Variants in LPAR6 observed in about 807,000 individuals in gnomAD.
LPAR6 encodes the protein G-protein coupled purinergic receptor P2Y5.
A neutral mutation model predicts 22.0 loss-of-function variants in LPAR6; 17 were observed. That is an observed-to-expected ratio of 0.77 (90% CI 0.53 to 1.16). The LOEUF is 1.16. Ranked by LOEUF, LPAR6 falls within the 50% of genes most tolerant of loss-of-function variation. The pLI, the probability that LPAR6 is intolerant of heterozygous loss-of-function variation, is 0.00. For synonymous variants in LPAR6, 136 were observed against 139.8 expected (o/e 0.97, Z 0.19); for missense variants, 384 against 406.9 (o/e 0.94, Z 0.48).
At chr13:48,423,418 T>G (rs1949035558) in intron 1 of LPAR6, among the ~76,000 whole-genome samples, 1 of 152,264 alleles carries the variant, frequency 6.6e-6, no homozygotes, top group Non-Finnish European at 1.5e-5. Context: ...CTTACACTCT[T>G]TATGTTTAAG....
chr13:48,414,748 G>C (rs1222776833), upstream of LPAR6, among the ~76,000 whole-genome samples: 3 of 152,028 alleles, frequency 2.0e-5, no homozygotes, highest in Admixed American at 1.3e-4. Context: ...TATTTCTACT[G>C]TCTGGACTAG....
chr13:48,412,285 T>C lies in LPAR6; in HGVS notation c.139A>G (p.Lys47Glu), dbSNP rs770081265. The change falls in exon 1 of 1, where the codon AAA becomes GAA. Residue 47 changes from lysine (K) to glutamate (E), a missense_variant. Coordinates refer to ENST00000620633, the MANE Select transcript of LPAR6 (RefSeq NM_001162498.3). ...TAAGTTGTAGTTTCATTTCGGACTTTGAGGACGCAGATGAAAATGTATATG... is the reference window on the plus strand; with the variant it reads ...TAAGTTGTAGTTTCATTTCGGACTTCGAGGACGCAGATGAAAATGTATATG... ...VAIYIFICVLKVRNETTTYMI... is the reference protein window; with the variant it reads ...VAIYIFICVLEVRNETTTYMI... 6.8e-6 allele frequency: 11 copies of C among 1,613,882 alleles called. No individual in the cohort carries two copies. The highest frequency in any genetic ancestry group is 3.3e-5 in the Admixed American group (2 of 59,992).
intron 2 of LPAR6, among the ~76,000 whole-genome samples, chr13:48,418,733 G>T (rs1161616731): frequency 6.6e-6 from 1 of 150,950 alleles, no homozygotes; most frequent in Non-Finnish European, 1.5e-5. Context: ...AGCAGGGGTT[G>T]CAATCCTAGT....
chr13:48,433,504 T>A (rs1256788171), intron 1 of LPAR6, among the ~76,000 whole-genome samples: 1 of 152,104 alleles, frequency 6.6e-6, no homozygotes, highest in South Asian at 2.1e-4. Flanking sequence ...CTGTAAAAAA[T>A]TTTTGTTCAG....
intron 1 of LPAR6, among the ~76,000 whole-genome samples, chr13:48,397,104 A>G (rs962983684): frequency 3.3e-5 from 5 of 152,226 alleles, no homozygotes; most frequent in African/African-American, 1.2e-4. Flanking sequence ...TCAAGGATCT[A>G]GAGCCAGAAA....
upstream of LPAR6, among the ~76,000 whole-genome samples, chr13:48,415,502 C>T (rs1948894015): frequency 6.6e-6 from 1 of 152,106 alleles, no homozygotes; most frequent in Admixed American, 6.5e-5. Flanking sequence ...TGGTCTTGAA[C>T]TCCTGACCTC....
At chr13:48,403,155 CTA>C in intron 1 of LPAR6, among the ~76,000 whole-genome samples, 1 of 152,228 alleles carries the variant, frequency 6.6e-6, no homozygotes, top group Non-Finnish European at 1.5e-5. Flanking sequence ...TGTAAAAACA[CTA>C]TTTTTTAGCA....
chr13:48,420,678 C>T (rs1430526756), intron 2 of LPAR6, among the ~76,000 whole-genome samples: 2 of 152,176 alleles, frequency 1.3e-5, no homozygotes, highest in Admixed American at 6.5e-5. Context: ...TGATAAGCAA[C>T]TTCAGCAAAG....
At chr13:48,411,042 T>C (rs1168827772), downstream of LPAR6, 1 of 155,202 alleles carries the variant, frequency 6.4e-6, no homozygotes, top group Non-Finnish European at 1.4e-5. Flanking sequence ...TAGTATAAAA[T>C]AATTTAGTAA....
At chr13:48,433,114 A>T (rs1244231452) in intron 1 of LPAR6, among the ~76,000 whole-genome samples, 3 of 152,188 alleles carry the variant, frequency 2.0e-5, no homozygotes, top group Non-Finnish European at 4.4e-5. Flanking sequence ...AATATGAGAA[A>T]TAAATTAATT....
chr13:48,405,205 GT>G (rs1398393100), intron 1 of LPAR6, among the ~76,000 whole-genome samples: 1 of 152,104 alleles, frequency 6.6e-6, no homozygotes, highest in African/African-American at 2.4e-5. Flanking sequence ...AAATCAGATA[GT>G]TTCATAAAGA....
chr13:48,412,623 C>T lies in LPAR6; in HGVS notation c.-200G>A. 1.7e-6 allele frequency: 1 copy of T among 604,642 alleles called. No homozygotes were observed. The highest frequency in any genetic ancestry group is 3.0e-6 in the Non-Finnish European group (1 of 332,184). 37.5% of individuals were successfully genotyped at this position (604,642 alleles called of 1,614,324 possible). Reference sequence around the variant, plus strand: ...GTTGCTGTAAAATTTCCGCTGGGTTCTTCAACAGGAAAATATTTTCATTTG... The same window carrying T: ...GTTGCTGTAAAATTTCCGCTGGGTTTTTCAACAGGAAAATATTTTCATTTG... On this transcript the variant is annotated 5_prime_UTR_variant, in exon 1 of 1. Transcript: ENST00000620633.
chr13:48,431,434 T>A (rs1282880034), upstream of LPAR6, among the ~76,000 whole-genome samples: 1 of 152,218 alleles, frequency 6.6e-6, no homozygotes, highest in Admixed American at 6.5e-5. Flanking sequence ...AATGTTTCGC[T>A]CTTAACCCAC....
intron 1 of LPAR6, among the ~76,000 whole-genome samples, chr13:48,402,476 CA>C (rs1192151019): frequency 2.0e-5 from 3 of 148,562 alleles, no homozygotes; most frequent in South Asian, 2.1e-4. Context: ...CTCTTGGGCT[CA>C]AGTGATCCTC....
At chr13:48,418,220 C>T (rs191612189) in intron 2 of LPAR6, among the ~76,000 whole-genome samples, 52 of 152,172 alleles carry the variant, frequency 3.4e-4, no homozygotes, top group African/African-American at 1.2e-3. Context: ...GAGTGGGGGC[C>T]AATATTCAAC....
At position 48,411,719 on chromosome 13, in the gene LPAR6, C is replaced by A; in HGVS notation, c.705G>T (p.Leu235Phe). The part of the protein sequence containing the change: ...TKVLKMIFVH[L>F]IIFCFCFVPY... ...GAACAAAACAGAAACAGAATATGATCAAATGTACAAAAATCATTTTTAAAA... is the reference window on the plus strand; with the variant it reads ...GAACAAAACAGAAACAGAATATGATAAAATGTACAAAAATCATTTTTAAAA... Residue 235 changes from leucine to phenylalanine, a missense_variant, in exon 1 of 1, where the codon TTG becomes TTT. Physicochemically the swap from Leu to Phe is conservative, Grantham distance 22. Transcript: ENST00000620633. 1 of 1,604,866 alleles carries A rather than the reference C, an allele frequency of 6.2e-7. No individual in the cohort carries two copies. Among genetic ancestry groups the A allele is most frequent in the South Asian group, 1.1e-5 (1 of 90,780 alleles).
At chr13:48,431,972 A>T (rs1014228473) in intron 1 of LPAR6, among the ~76,000 whole-genome samples, 6 of 152,172 alleles carry the variant, frequency 3.9e-5, no homozygotes, top group Non-Finnish European at 7.4e-5. Flanking sequence ...TATAGCAGTG[A>T]ATAAAACAAA....
chr13:48,423,971 A>G (rs147750625), intron 1 of LPAR6: 1 of 152,768 alleles, frequency 6.5e-6, no homozygotes, highest in African/African-American at 2.4e-5. Context: ...TTAAAATTTA[A>G]AAAGAATTAT....
intron 2 of LPAR6, among the ~76,000 whole-genome samples, chr13:48,421,279 T>C (rs1949001168): frequency 6.6e-6 from 1 of 151,252 alleles, no homozygotes; most frequent in South Asian, 2.1e-4. Flanking sequence ...AAGGATTCCG[T>C]TTAATAAATG....
Sources: gnomAD v4.1 joint callset for allele counts (sites outside exome capture counted in the v4.1 genomes callset) on GRCh38, gnomAD v4.1.1 for gene constraint, MANE v1.5 for transcripts, NCBI Gene and HGNC (gene_info 2026-07-23, HGNC 2026-07-21) for gene names.